CNTNAP4: variants seen among roughly 807,000 people sequenced by gnomAD.
CNTNAP4 encodes the protein contactin associated protein family member 4, also known as contactin-associated protein-like 4.
CNTNAP4 carries 98 observed loss-of-function variants against 148.4 expected under a neutral mutation model. The ratio of observed to expected loss-of-function variants is 0.66; its 90% CI spans 0.56 to 0.78. The LOEUF (loss-of-function observed/expected upper bound fraction) is 0.78. Ranked by LOEUF, CNTNAP4 falls within the 30% of genes least tolerant of loss-of-function variation. The pLI, the probability that CNTNAP4 is intolerant of heterozygous loss-of-function variation, is 0.00. For synonymous variants in CNTNAP4, 730 were observed against 565.1 expected, an observed-to-expected ratio of 1.29 and a Z score of -4.14; for missense variants, 1,935 against 1,565.6, an observed-to-expected ratio of 1.24 and a Z score of -3.98.
intron 1 of CNTNAP4, among the ~76,000 whole-genome samples, chr16:76,285,172 T>C (rs572939858): frequency 7.2e-5 from 11 of 152,036 alleles, no homozygotes; most frequent in African/African-American, 2.6e-4. Context: ...TTTTTTCCCC[T>C]CCTTCCAGTG....
intron 3 of CNTNAP4, among the ~76,000 whole-genome samples, chr16:76,365,156 G>A (rs1050930144): frequency 2.0e-5 from 3 of 152,086 alleles, no homozygotes; most frequent in African/African-American, 7.2e-5. Context: ...GCTTGTTTTT[G>A]TCAGGTTTGT....
Position 76,484,403 on chromosome 16 carries a change from C to G in CNTNAP4, c.1882+4865C>G, listed in dbSNP as rs145314627. On this transcript the variant is annotated intron_variant, in intron 12 of 23. Transcript: ENST00000611870. ...AGAAAATTTAAAGCCACGTGGATAGCAAGATGTTCAGAAACACAGATACCC... is the reference window on the plus strand; with the variant it reads ...AGAAAATTTAAAGCCACGTGGATAGGAAGATGTTCAGAAACACAGATACCC... Among the ~76,000 whole-genome samples the G allele has an allele frequency of 4.6e-3, 699 of 151,674 alleles. 4 individuals carry two copies. The highest frequency in any genetic ancestry group is 0.016 in the African/African-American group (666 of 41,376).
chr16:76,511,963 T>C (rs2083044665), intron 15 of CNTNAP4, among the ~76,000 whole-genome samples: 1 of 151,896 alleles, frequency 6.6e-6, no homozygotes, highest in Non-Finnish European at 1.5e-5. Context: ...GGATGGTCAT[T>C]TAAAGCTCAG....
At chr16:76,311,891 A>G (rs192664322) in intron 1 of CNTNAP4, among the ~76,000 whole-genome samples, 17 of 152,334 alleles carry the variant, frequency 1.1e-4, no homozygotes, top group Non-Finnish European at 1.5e-5. Flanking sequence ...AATCTGATAT[A>G]GCACTTAATT....
At chr16:76,554,654 T>C (rs1421413168) in intron 23 of CNTNAP4, among the ~76,000 whole-genome samples, 1 of 152,120 alleles carries the variant, frequency 6.6e-6, no homozygotes, top group African/African-American at 2.4e-5. Context: ...TGTTCACCTT[T>C]CTTTACACTC....
chr16:76,447,773 T>A (rs1205410985), intron 4 of CNTNAP4, among the ~76,000 whole-genome samples: 1 of 152,210 alleles, frequency 6.6e-6, no homozygotes, highest in African/African-American at 2.4e-5. Context: ...ATGTTTAAGG[T>A]AGGCTAGGCT....
intron 3 of CNTNAP4, among the ~76,000 whole-genome samples, chr16:76,383,636 G>A (rs1161605872): frequency 6.6e-6 from 1 of 152,142 alleles, no homozygotes; most frequent in African/African-American, 2.4e-5. Flanking sequence ...TAAGAGATAA[G>A]CAGTCCACAC....
chr16:76,533,361 T>C (rs2084068330), intron 17 of CNTNAP4, among the ~76,000 whole-genome samples: 1 of 151,980 alleles, frequency 6.6e-6, no homozygotes, highest in Non-Finnish European at 1.5e-5. Context: ...GGCACAGAGA[T>C]TTGTTAAAGG....
intron 15 of CNTNAP4, among the ~76,000 whole-genome samples, chr16:76,520,816 T>C (rs2083424224): frequency 6.6e-6 from 1 of 152,320 alleles, no homozygotes; most frequent in Admixed American, 6.5e-5. Context: ...GTTTGGCAGA[T>C]CGTATAATAT....
intron 13 of CNTNAP4, among the ~76,000 whole-genome samples, chr16:76,493,842 G>A (rs138796701): frequency 6.6e-6 from 1 of 152,284 alleles, no homozygotes; most frequent in East Asian, 1.9e-4. Context: ...GTAACCCTGG[G>A]AGAGAGCTTG....
chr16:76,348,728 A>G (rs1965122591), intron 2 of CNTNAP4, among the ~76,000 whole-genome samples: 1 of 152,066 alleles, frequency 6.6e-6, no homozygotes, highest in African/African-American at 2.4e-5. Flanking sequence ...GACTTTGACA[A>G]GAGCAGTTGC....
chr16:76,374,151 T>C (rs1232031008), intron 3 of CNTNAP4, among the ~76,000 whole-genome samples: 4 of 152,174 alleles, frequency 2.6e-5, no homozygotes, highest in African/African-American at 4.8e-5. Flanking sequence ...TACCTAATAA[T>C]AGGATTCTTT....
At chr16:76,545,456 A>T (rs1032748689) in intron 21 of CNTNAP4, among the ~76,000 whole-genome samples, 1 of 152,230 alleles carries the variant, frequency 6.6e-6, no homozygotes, top group African/African-American at 2.4e-5. Flanking sequence ...AGATTTTGTC[A>T]TAAGCACGTA....
At chr16:76,514,091 T>C (rs2083137436) in intron 15 of CNTNAP4, among the ~76,000 whole-genome samples, 1 of 152,198 alleles carries the variant, frequency 6.6e-6, no homozygotes, top group Admixed American at 6.5e-5. Context: ...TATTAAATGA[T>C]CGTCATTTGC....
Position 76,291,066 on chromosome 16 carries a change from C to G in CNTNAP4, c.85+13319C>G, listed in dbSNP as rs28433274. On this transcript the variant is annotated intron_variant, in intron 1 of 23. Transcript: ENST00000611870. Reference sequence around the variant, plus strand: ...TACAACCTCATTTAAACATAATTGCCTCCTGTTATGGCCCTCTCTCTGAAT... The same window carrying G: ...TACAACCTCATTTAAACATAATTGCGTCCTGTTATGGCCCTCTCTCTGAAT... Among the ~76,000 whole-genome samples, 904 of 152,280 alleles carry G rather than the reference C, an allele frequency of 5.9e-3. 9 individuals carry two copies. The highest frequency in any genetic ancestry group is 0.02 in the African/African-American group (847 of 41,558).
intron 1 of CNTNAP4, among the ~76,000 whole-genome samples, chr16:76,292,817 A>G (rs1959165619): frequency 6.6e-6 from 1 of 152,220 alleles, no homozygotes; most frequent in African/African-American, 2.4e-5. Context: ...ATATTTAATG[A>G]ACATCAAAAT....
chr16:76,557,246 T>A (rs984127664), intron 23 of CNTNAP4: 2 of 152,214 alleles, frequency 1.3e-5, no homozygotes, highest in African/African-American at 4.8e-5. Flanking sequence ...GTGTAATTGT[T>A]TTTCTTGAAG....
At chr16:76,507,106 G>C (rs2082863926) in intron 15 of CNTNAP4, among the ~76,000 whole-genome samples, 1 of 96,432 alleles carries the variant, frequency 1.0e-5, no homozygotes, top group African/African-American at 2.6e-5. Flanking sequence ...GTACATAATA[G>C]ATGTATATAT....
chr16:76,291,392 C>G (rs1290097325), intron 1 of CNTNAP4, among the ~76,000 whole-genome samples: 1 of 152,152 alleles, frequency 6.6e-6, no homozygotes, highest in Non-Finnish European at 1.5e-5. Context: ...CACTATCTAT[C>G]CCTTCTTTTT....
Sources: gnomAD v4.1 joint callset for allele counts (sites outside exome capture counted in the v4.1 genomes callset) on GRCh38, gnomAD v4.1.1 for gene constraint, MANE v1.5 for transcripts, NCBI Gene and HGNC (gene_info 2026-07-23, HGNC 2026-07-21) for gene names.